Variants in NAA25 observed in about 807,000 individuals in gnomAD.
NAA25 encodes N-alpha-acetyltransferase 25, NatB auxiliary subunit, also known as N-terminal acetyltransferase B complex subunit NAA25.
A neutral mutation model predicts 132.5 loss-of-function variants in NAA25; 30 were observed. That is an observed-to-expected ratio of 0.23 (90% confidence interval 0.17 to 0.31). The LOEUF is 0.31. Among genes scored for constraint, NAA25 ranks in the 10% least tolerant of loss-of-function variants. NAA25 has a pLI of 1.00. For missense variants in NAA25, 771 were observed against 1,150.4 expected (o/e 0.67, Z 4.77); for synonymous variants, 359 against 401.9 (o/e 0.89, Z 1.28).
In NAA25 at chr12:112,027,661, G is replaced by A. The variant is rs747546526; in HGVS notation, c.*1870C>T. 10 of 152,136 alleles carry A rather than the reference G, an allele frequency of 6.6e-5. No individual in the cohort carries two copies. The highest frequency in any genetic ancestry group is 1.9e-4 in the African/African-American group (8 of 41,410). 9.4% of individuals were successfully genotyped at this position (152,136 alleles called of 1,614,324 possible). A position where few individuals can be genotyped will look rare whatever the true frequency, so the allele number is the denominator to read the frequency against. Reference sequence around the variant, plus strand: ...TATGCTAGATTGATCATGGTCAGTCGATAGACTTTTTCAAAGAGCATTTCT... The same window carrying A: ...TATGCTAGATTGATCATGGTCAGTCAATAGACTTTTTCAAAGAGCATTTCT... On this transcript the variant is annotated 3_prime_UTR_variant, in exon 24 of 24. Transcript: ENST00000261745.
At chr12:112,070,933 G>A (rs2078796072) in intron 10 of NAA25, among the ~76,000 whole-genome samples, 1 of 152,254 alleles carries the variant, frequency 6.6e-6, no homozygotes, top group East Asian at 1.9e-4. Flanking sequence ...TTTTAGTAGA[G>A]ACGGTGTTTC....
chr12:112,092,911 C>T (rs1241319655), intron 2 of NAA25, 140 bp downstream of exon 2: 1 of 498,340 alleles, frequency 2.0e-6, no homozygotes, highest in Non-Finnish European at 3.5e-6. Context: ...CTCCTGACAT[C>T]GTGATCCGCT....
intron 1 of NAA25, among the ~76,000 whole-genome samples, chr12:112,098,920 T>G (rs2079253163): frequency 6.6e-6 from 1 of 152,120 alleles, no homozygotes; most frequent in Admixed American, 6.5e-5. Flanking sequence ...TCTTTTCTAA[T>G]ACTTCCTTTA....
chr12:112,036,111 T>C (rs2078221310), intron 22 of NAA25, among the ~76,000 whole-genome samples: 1 of 152,194 alleles, frequency 6.6e-6, no homozygotes, highest in Non-Finnish European at 1.5e-5. Flanking sequence ...CACTAAATTA[T>C]TTTCCTGTGA....
rs67757055 is a variant in NAA25 at position 112,030,210 on chromosome 12, CAAA to C, written c.2797-560_2797-558del. On this transcript the variant is annotated intron_variant, in intron 23 of 23. Transcript: ENST00000261745. ...CCTGGGCGACAGAGTAAAGCTGTCT[CAAA>C]AAAAAAAAAAAAAAAAAAAAAAAAT... Among the ~76,000 whole-genome samples, 16 of 53,394 alleles carry C rather than the reference CAAA, an allele frequency of 3.0e-4. No homozygotes were observed. In the South Asian group the frequency reaches 4.5e-3, roughly 15 times the overall value. The allele number at this position is 53,394 out of a possible 152,430, so 35.0% of individuals were successfully genotyped here.
chr12:112,030,299 A>G (rs1013011815), intron 23 of NAA25, among the ~76,000 whole-genome samples: 4 of 151,730 alleles, frequency 2.6e-5, no homozygotes, highest in African/African-American at 9.7e-5. Flanking sequence ...GAAAATTATG[A>G]CTAGTTTGGA....
At chr12:112,053,139 G>T (rs1473318054) in intron 15 of NAA25, among the ~76,000 whole-genome samples, 1 of 152,098 alleles carries the variant, frequency 6.6e-6, no homozygotes, top group East Asian at 1.9e-4. Context: ...TTCACCTTTG[G>T]CAAAGAGCAC....
rs2078122515 is a variant in NAA25 at position 112,029,527 on chromosome 12, T to C, written c.*4A>G. ...AGTCATCAGTGCCCATGATAGATAC[T>C]TCCTTAAATTTTTAGTTTCTTTGTG... On this transcript the variant is annotated 3_prime_UTR_variant, in exon 24 of 24. Transcript: ENST00000261745. The C allele has an allele frequency of 6.2e-7, 1 of 1,614,038 alleles. No homozygotes were observed. The highest frequency in any genetic ancestry group is 8.5e-7 in the Non-Finnish European group (1 of 1,179,960).
chr12:112,044,277 G>T (rs2078344421), intron 17 of NAA25, among the ~76,000 whole-genome samples: 1 of 151,892 alleles, frequency 6.6e-6, no homozygotes, highest in Non-Finnish European at 1.5e-5. Flanking sequence ...GCCTTTGAAG[G>T]GTTCCAGCTT....
intron 11 of NAA25, among the ~76,000 whole-genome samples, chr12:112,062,267 G>A (rs1428349085): frequency 6.6e-6 from 1 of 151,968 alleles, no homozygotes; most frequent in African/African-American, 2.4e-5. Context: ...CAGGCATGGT[G>A]GCGCGCACCT....
At chr12:112,038,578 A>C (rs1211176790) in intron 22 of NAA25, among the ~76,000 whole-genome samples, 1 of 152,164 alleles carries the variant, frequency 6.6e-6, no homozygotes, top group East Asian at 1.9e-4. Flanking sequence ...TGTATAATTT[A>C]ATTTTTTTTA....
Position 112,029,525 on chromosome 12 carries a change from A to G in NAA25, c.*6T>C. ...AGAGTCATCAGTGCCCATGATAGAT[A>G]CTTCCTTAAATTTTTAGTTTCTTTG... On this transcript the variant is annotated 3_prime_UTR_variant, in exon 24 of 24. Coordinates refer to ENST00000261745, the MANE Select transcript of NAA25 (RefSeq NM_024953.4). 1 of 1,613,796 alleles carries G rather than the reference A, an allele frequency of 6.2e-7. No individual in the cohort carries two copies. The highest frequency in any genetic ancestry group is 8.5e-7 in the Non-Finnish European group (1 of 1,179,856).
chr12:112,047,262 G>A (rs914222366), intron 17 of NAA25, among the ~76,000 whole-genome samples: 1 of 78,682 alleles, frequency 1.3e-5, no homozygotes, highest in Non-Finnish European at 2.4e-5. Flanking sequence ...ATGGAGTTTT[G>A]CTCTTGTTGC....
In NAA25 at chr12:112,060,290, A is replaced by G. The variant is rs1268586047; in HGVS notation, c.1427T>C (p.Ile476Thr). ...YYCLLAVHAL[I>T]DVWRETGDET... ...CTTACCTGTTTCCCTCCATACATCA[A>G]TAAGCGCATGGACAGCAAGGAGACA... Residue 476 changes from isoleucine to threonine, a missense_variant, in exon 13 of 24, where the codon ATT (isoleucine) becomes ACT (threonine). Physicochemically the swap from Ile to Thr is moderately conservative, Grantham distance 89. Coordinates refer to ENST00000261745, the MANE Select transcript of NAA25 (RefSeq NM_024953.4). 2.5e-6 allele frequency: 4 copies of G among 1,612,790 alleles called. No individual in the cohort carries two copies. The highest frequency in any genetic ancestry group is 1.7e-5 in the Admixed American group (1 of 59,862).
At chr12:112,038,419 C>A (rs1450450705) in intron 22 of NAA25, among the ~76,000 whole-genome samples, 1 of 152,124 alleles carries the variant, frequency 6.6e-6, no homozygotes, top group Non-Finnish European at 1.5e-5. Flanking sequence ...CTTGTTCTAT[C>A]CTGATGTGTT....
intron 17 of NAA25, among the ~76,000 whole-genome samples, chr12:112,047,353 TC>T (rs1251916451): frequency 2.0e-5 from 3 of 152,006 alleles, no homozygotes; most frequent in African/African-American, 4.8e-5. Context: ...TGCCTCAGCT[TC>T]CCGAATAGCT....
chr12:112,090,849 C>T lies in NAA25; in HGVS notation c.160G>A (p.Gly54Ser), dbSNP rs1445315429. 1 of 1,604,146 alleles carries T rather than the reference C, an allele frequency of 6.2e-7. No individual in the cohort carries two copies. Among genetic ancestry groups the T allele is most frequent in the African/African-American group, 1.3e-5 (1 of 74,326 alleles). ...TCTTGCTTTCCAGTTCTCTGTAAAC[C>T]AATTGCCTTTAAAACCTGATAGCAA... ...LHCAKVLKAI[G>S]LQRTGKQEEA... Residue 54 changes from glycine (G) to serine (S), a missense_variant, in exon 3 of 24, where the codon GGT becomes AGT. Around this residue, in one of 3 missense-constraint regions of NAA25, gnomAD observed 417 missense variants for 733.8 expected, o/e 0.57. Transcript: ENST00000261745.
At chr12:112,086,519 C>T (rs1038318850) in intron 4 of NAA25, among the ~76,000 whole-genome samples, 4 of 151,792 alleles carry the variant, frequency 2.6e-5, no homozygotes, top group African/African-American at 9.7e-5. Flanking sequence ...AAGAAAAAAA[C>T]TTCTCCTATG....
At chr12:112,089,110 C>CA (rs1377693196) in intron 3 of NAA25, among the ~76,000 whole-genome samples, 13 of 152,048 alleles carry the variant, frequency 8.5e-5, no homozygotes, top group Admixed American at 5.9e-4. Context: ...AAATTAAAAA[C>CA]AAAATTGAAG....
Sources: allele counts gnomAD v4.1 joint callset (sites outside exome capture counted in the v4.1 genomes callset), GRCh38; gene constraint gnomAD v4.1.1; regional missense constraint gnomAD v4.1.1; transcripts MANE v1.5; gene names NCBI Gene and HGNC (gene_info 2026-07-23, HGNC 2026-07-21).